Variants in ASPM observed in about 807,000 individuals in gnomAD.
ASPM encodes the protein assembly factor for spindle microtubules.
Under a neutral mutation model 366.4 loss-of-function variants are expected in ASPM, and 256 were observed. The observed-to-expected ratio is 0.70, with a 90% CI of 0.63 to 0.77. The LOEUF (loss-of-function observed/expected upper bound fraction) is 0.77. Among genes scored for constraint, ASPM ranks in the 30% least tolerant of loss-of-function variants. The pLI, the probability that ASPM is intolerant of heterozygous loss-of-function variation, is 0.00. For missense variants in ASPM, 4,146 were observed against 4,090.4 expected, an observed-to-expected ratio of 1.01 and a Z score of -0.37; for synonymous variants, 1,414 against 1,342.9, an observed-to-expected ratio of 1.05 and a Z score of -1.16.
At chr1:197,107,221 T>A (rs1046833153) in intron 17 of ASPM, among the ~76,000 whole-genome samples, 2 of 152,050 alleles carry the variant, frequency 1.3e-5, no homozygotes, top group South Asian at 4.1e-4. Flanking sequence ...ACAATGTGAA[T>A]CTAGACCACA....
chr1:197,146,655 T>C lies in ASPM; in HGVS notation c.-218A>G, dbSNP rs1557967993. On this transcript the variant is annotated 5_prime_UTR_variant, in exon 1 of 28. Coordinates refer to ENST00000367409, the MANE Select transcript of ASPM (RefSeq NM_018136.5). The stretch of plus-strand genomic sequence containing the variant: ...ATTAAAAAGAGGAGCCAAACAAGTA[T>C]GGCGTTTTGACTCTGTTTAAACTTG... The C allele has an allele frequency of 6.6e-6, 4 of 605,878 alleles. No homozygotes were observed. The highest frequency in any genetic ancestry group is 5.6e-5 in the East Asian group (2 of 35,644). 37.5% of individuals were successfully genotyped at this position (605,878 alleles called of 1,614,324 possible).
rs1291666293 is a variant in ASPM, at chr1:197,143,012, GTACTT to G, written c.1235_1239del (p.Lys412ThrfsTer5). The G allele has an allele frequency of 2.5e-6, 4 of 1,613,254 alleles. No individual in the cohort carries two copies. The highest frequency in any genetic ancestry group is 2.7e-5 in the African/African-American group (2 of 74,862). ...ACTTGAGAATTTTCATTTGATAATG[GTACTT>G]TACATGTTTGCTGAGATGTACACAT... On this transcript the variant is annotated frameshift_variant, in exon 3 of 28. Transcript: ENST00000367409. LOFTEE classifies it high-confidence loss of function.
At chr1:197,129,353 C>G in intron 8 of ASPM, 36 bp from the exon 9 acceptor site, 1 of 1,602,862 alleles carries the variant, frequency 6.2e-7, no homozygotes, top group Non-Finnish European at 8.5e-7. Flanking sequence ...GCAAGTTAAT[C>G]TATGAAAGGT....
In ASPM at chr1:197,109,466, A is replaced by T. The variant is rs74971086; in HGVS notation, c.4066-4281T>A. On this transcript the variant is annotated intron_variant, in intron 17 of 27. Transcript: ENST00000367409. Reference sequence around the variant, plus strand: ...CCCAAATCTATGTGATAAAACTCTCAGTAAGCTAAGAAACAGAGACTCCTT... The same window carrying T: ...CCCAAATCTATGTGATAAAACTCTCTGTAAGCTAAGAAACAGAGACTCCTT... Among the ~76,000 whole-genome samples the T allele has an allele frequency of 1.2e-4, 18 of 152,242 alleles. No homozygotes were observed. The East Asian group carries it at 3.5e-3, about 29-fold the overall frequency.
Position 197,146,197 on chromosome 1 carries a change from G to A in ASPM, c.241C>T (p.His81Tyr). The A allele has an allele frequency of 6.2e-7, 1 of 1,613,852 alleles. No individual in the cohort carries two copies. The highest frequency in any genetic ancestry group is 8.5e-7 in the Non-Finnish European group (1 of 1,179,946). The change falls in exon 1 of 28, where the codon CAC (histidine) becomes TAC (tyrosine). Residue 81 changes from histidine (H) to tyrosine (Y), a missense_variant. This residue lies in a region of ASPM where 512 missense variants were observed against 471.7 expected (regional missense o/e 1.09). Coordinates refer to ENST00000367409, the MANE Select transcript of ASPM (RefSeq NM_018136.5). ...NEEVAEVKISHFPAADLGFSV... is the reference protein window; with the variant it reads ...NEEVAEVKISYFPAADLGFSV... Reference sequence around the variant, plus strand: ...AAGCCCAGGTCCGCGGCCGGGAAGTGGGAGATCTTCACTTCTGCCACCTCC... The same window carrying A: ...AAGCCCAGGTCCGCGGCCGGGAAGTAGGAGATCTTCACTTCTGCCACCTCC...
chr1:197,091,099 A>C, intron 22 of ASPM, 58 bp from the exon 23 acceptor site: 2 of 1,281,346 alleles, frequency 1.6e-6, no homozygotes, highest in South Asian at 2.5e-5. Flanking sequence ...TTAAAAAAAT[A>C]TACAAATATA....
chr1:197,135,602 T>C (rs1030657113), intron 4 of ASPM, among the ~76,000 whole-genome samples: 5 of 150,484 alleles, frequency 3.3e-5, no homozygotes, highest in African/African-American at 4.9e-5. Context: ...ACTTGGGATA[T>C]CCATCACCTT....
Position 197,093,250 on chromosome 1 carries a change from A to G in ASPM, c.9096T>C (p.Ala3032=). 3.1e-6 allele frequency: 5 copies of G among 1,612,002 alleles called. No individual in the cohort carries two copies. The highest frequency in any genetic ancestry group is 4.2e-6 in the Non-Finnish European group (5 of 1,178,732). The stretch of plus-strand genomic sequence containing the variant: ...TATAATGTGCTTGGATCAAACAAGC[A>G]GCTCGATGTCTCTATAAGGAAAAAT... The part of the protein sequence containing the change: ...EHFLMIKRHR[A]ACLIQAHYRG... Residue 3032 remains alanine, a synonymous_variant, in exon 21 of 28, where the codon GCT becomes GCC. Coordinates refer to ENST00000367409, the MANE Select transcript of ASPM (RefSeq NM_018136.5).
chr1:197,131,051 A>G (rs1303811977), intron 7 of ASPM, among the ~76,000 whole-genome samples: 1 of 152,218 alleles, frequency 6.6e-6, no homozygotes, highest in Non-Finnish European at 1.5e-5. Context: ...AAGCAGAGCT[A>G]GTTGATCTGT....
Position 197,142,767 on chromosome 1 carries a change from G to T in ASPM, c.1485C>A (p.Ala495=). 1 of 1,613,596 alleles carries T rather than the reference G, an allele frequency of 6.2e-7. No individual in the cohort carries two copies. Among genetic ancestry groups the T allele is most frequent in the Non-Finnish European group, 8.5e-7 (1 of 1,179,578 alleles). Residue 495 remains alanine (A), a synonymous_variant, in exon 3 of 28, where the codon GCC becomes GCA. Transcript: ENST00000367409. Reference sequence around the variant, plus strand: ...AGGTGGCCTTCCTTTTAGTAACAGTGGCAGAAAGTATTGGACGTCTCTTAG... The same window carrying T: ...AGGTGGCCTTCCTTTTAGTAACAGTTGCAGAAAGTATTGGACGTCTCTTAG... The part of the protein sequence containing the change: ...KQPKRRPILS[A]TVTKRKATCT...
rs146444278 is a variant in ASPM at position 197,093,059 on chromosome 1, C to T, written c.9287G>A (p.Arg3096Gln). The T allele has an allele frequency of 9.2e-5, 147 of 1,604,940 alleles. No individual in the cohort carries two copies. Among genetic ancestry groups the T allele is most frequent in the African/African-American group, 1.1e-4 (8 of 74,638 alleles). Residue 3096 changes from arginine to glutamine, a missense_variant, in exon 21 of 28, where the codon CGA becomes CAA. Arg to Gln is a conservative substitution (Grantham distance 43, BLOSUM62 1). Transcript: ENST00000367409. The part of the protein sequence containing the change: ...LQALVRGWLV[R>Q]KRFLEQRAKI... ...CTACTTGAAAATACTTACTCTTTTT[C>T]GTACTAGCCAACCACGCACCAGTGC...
At chr1:197,093,408 G>A (rs1238651926) in intron 20 of ASPM, 147 bp from the exon 21 acceptor site, 8 of 781,200 alleles carry the variant, frequency 1.0e-5, no homozygotes, top group South Asian at 1.6e-5. Context: ...AAATGATGAT[G>A]AAGCATTATT....
chr1:197,133,224 T>A (rs1184099312), intron 6 of ASPM, 126 bp downstream of exon 6: 1 of 946,410 alleles, frequency 1.1e-6, no homozygotes, highest in Non-Finnish European at 1.5e-6. Flanking sequence ...CAACATCATG[T>A]TGTATACCTT....
chr1:197,135,299 A>C, intron 4 of ASPM, 57 bp from the exon 5 acceptor site: 1 of 1,531,178 alleles, frequency 6.5e-7, no homozygotes, highest in Non-Finnish European at 9.1e-7. Context: ...ATTGTACAAT[A>C]TACAGCAAAA....
At chr1:197,119,155 G>A (rs1657829295) in intron 16 of ASPM, among the ~76,000 whole-genome samples, 1 of 152,154 alleles carries the variant, frequency 6.6e-6, no homozygotes, top group Non-Finnish European at 1.5e-5. Flanking sequence ...ACTAAGGAAT[G>A]GTAAGTGCTA....
chr1:197,124,916 C>G lies in ASPM; in HGVS notation c.3122G>C (p.Arg1041Thr), dbSNP rs1338950332. 3.7e-6 allele frequency: 6 copies of G among 1,612,298 alleles called. No homozygotes were observed. In the Admixed American group the frequency reaches 8.3e-5, roughly 22 times the overall value. The change falls in exon 12 of 28, where the codon AGA becomes ACA. Residue 1041 changes from arginine (R) to threonine (T), a missense_variant. Physicochemically the swap from Arg to Thr is moderately conservative, Grantham distance 71. Transcript: ENST00000367409. ...ILSKDIVDRH[R>T]EKTLRLLWKI... is the part of the protein sequence containing the mutation. ...CCAAAGCAACCTGAGAGTTTTTTCT[C>G]TGTGCCTATCCACAATATCCTTAGA...
At position 197,091,959 on chromosome 1, in the gene ASPM, T is replaced by A. The variant is rs755733247; in HGVS notation, c.9392A>T (p.Tyr3131Phe). 20 of 1,611,518 alleles carry A rather than the reference T, an allele frequency of 1.2e-5. No homozygotes were observed. The highest frequency in any genetic ancestry group is 2.5e-6 in the Non-Finnish European group (3 of 1,178,856). ...AVRIQRAYKL[Y>F]LAVKNANKQV... is the part of the protein sequence containing the mutation. The stretch of plus-strand genomic sequence containing the variant: ...CTTGTTAGCATTCTTCACAGCCAGG[T>A]AAAGTTTATAGGCTCTTTGAATTCT... The change falls in exon 22 of 28, where the codon TAC becomes TTC. Residue 3131 changes from tyrosine (Y) to phenylalanine (F), a missense_variant. By Grantham distance (22) the Tyr-to-Phe change is conservative. Around this residue, in one of 3 missense-constraint regions of ASPM, gnomAD observed 3,624 missense variants for 3,591.7 expected, o/e 1.01. Coordinates refer to ENST00000367409, the MANE Select transcript of ASPM (RefSeq NM_018136.5).
At chr1:197,135,012 G>A (rs1658373491) in intron 5 of ASPM, 84 bp downstream of exon 5, 9 of 968,760 alleles carry the variant, frequency 9.3e-6, no homozygotes, top group Non-Finnish European at 1.4e-5. Context: ...TAATAACTAT[G>A]TATAATTAAA....
In ASPM at chr1:197,090,241, T is replaced by A; in HGVS notation, c.9784A>T (p.Thr3262Ser). The A allele has an allele frequency of 1.2e-6, 2 of 1,613,596 alleles. No homozygotes were observed. The highest frequency in any genetic ancestry group is 2.7e-5 in the African/African-American group (2 of 75,018). ...AGAATGGCAGAAAGGTGCTTATATGTCAAAAGGTAATGAAGTGCAAGTGCA... is the reference window on the plus strand; with the variant it reads ...AGAATGGCAGAAAGGTGCTTATATGACAAAAGGTAATGAAGTGCAAGTGCA... ...RTALALHYLL[T>S]YKHLSAILEA... is the part of the protein sequence containing the mutation. Residue 3262 changes from threonine to serine, a missense_variant, in exon 24 of 28, where the codon ACA (threonine) becomes TCA (serine). Physicochemically the swap from Thr to Ser is moderately conservative, Grantham distance 58 (BLOSUM62 1). Transcript: ENST00000367409.
Sources: gnomAD v4.1 joint callset for allele counts (sites outside exome capture counted in the v4.1 genomes callset) on GRCh38, gnomAD v4.1.1 for gene constraint, gnomAD v4.1.1 regional missense constraint, MANE v1.5 for transcripts, NCBI Gene and HGNC (gene_info 2026-07-23, HGNC 2026-07-21) for gene names.